SMAD1: variants seen among roughly 807,000 people sequenced by gnomAD.
The protein encoded by SMAD1 is MAD, mothers against decapentaplegic homolog 1.
Under a neutral mutation model 41.6 loss-of-function variants are expected in SMAD1, and 6 were observed. That is an observed-to-expected ratio of 0.14 (90% CI 0.08 to 0.28). The LOEUF is 0.28. SMAD1 is among the 10% of genes least tolerant of loss of function. The probability of loss-of-function intolerance (pLI) is 1.00; values close to 1 mark genes in which losing one functional copy is unlikely to be tolerated. For missense variants in SMAD1, 379 were observed against 582.6 expected (o/e 0.65, Z 3.60); for synonymous variants, 206 against 203.2 (o/e 1.01, Z -0.12).
At chr4:145,551,346 GA>G (rs1415974409) in intron 5 of SMAD1, among the ~76,000 whole-genome samples, 1 of 152,144 alleles carries the variant, frequency 6.6e-6, no homozygotes, top group East Asian at 1.9e-4. Context: ...TTAATGAGTT[GA>G]ATGTTTTTCA....
At chr4:145,509,596 A>C (rs1450726862) in intron 1 of SMAD1, among the ~76,000 whole-genome samples, 1 of 152,198 alleles carries the variant, frequency 6.6e-6, no homozygotes, top group Non-Finnish European at 1.5e-5. Context: ...GTTTTTGAAG[A>C]AGAGATGGAC....
intron 2 of SMAD1, among the ~76,000 whole-genome samples, chr4:145,535,439 GAT>G (rs1731557703): frequency 6.6e-6 from 1 of 152,162 alleles, no homozygotes; most frequent in Non-Finnish European, 1.5e-5. Flanking sequence ...TGAATGGCCA[GAT>G]ATGGGAGATT....
chr4:145,530,118 G>A (rs992863434), intron 2 of SMAD1, among the ~76,000 whole-genome samples: 2 of 152,188 alleles, frequency 1.3e-5, no homozygotes, highest in African/African-American at 4.8e-5. Context: ...AAGAAAATCA[G>A]TTCTACCCAC....
rs1312921895 is a variant in SMAD1 at position 145,546,875 on chromosome 4, T to C, written c.948T>C (p.Asn316=). 8 of 1,614,056 alleles carry C rather than the reference T, an allele frequency of 5.0e-6. No individual in the cohort carries two copies. Among genetic ancestry groups the C allele is most frequent in the Non-Finnish European group, 6.8e-6 (8 of 1,180,024 alleles). Residue 316 remains asparagine (N), a synonymous_variant, in exon 5 of 7, where the codon AAT becomes AAC. Transcript: ENST00000302085. ...KNRFCLGLLS[N]VNRNSTIENT... ...GTTTCTGCCTTGGGCTGCTCTCCAA[T>C]GTTAACCGGAATTCCACTATTGAAA...
In SMAD1 at chr4:145,482,994, G is replaced by A. The variant is rs896040521; in HGVS notation, c.-177+956G>A. The A allele has an allele frequency of 6.6e-6, 1 of 152,154 alleles. No individual in the cohort carries two copies. Among genetic ancestry groups the A allele is most frequent in the African/African-American group, 2.4e-5 (1 of 41,414 alleles). The allele number at this position is 152,154 out of a possible 1,614,324, so 9.4% of individuals were successfully genotyped here. Reference sequence around the variant, plus strand: ...TTTAAAGGGAGAACGTTTTCTTGATGTGCTTTAGGAGGGGAGGAGGAACAA... The same window carrying A: ...TTTAAAGGGAGAACGTTTTCTTGATATGCTTTAGGAGGGGAGGAGGAACAA... On this transcript the variant is annotated intron_variant, in intron 1 of 6. Coordinates refer to ENST00000302085, the MANE Select transcript of SMAD1 (RefSeq NM_005900.3). The surrounding 1 kb of genome is among the most constrained non-coding windows in gnomAD (Gnocchi z 4.2).
Position 145,514,871 on chromosome 4 carries a change from C to G in SMAD1, c.258C>G (p.Val86=), listed in dbSNP as rs1730286905. Residue 86 remains valine (V), a synonymous_variant, in exon 2 of 7, where the codon GTC becomes GTG. Coordinates refer to ENST00000302085, the MANE Select transcript of SMAD1 (RefSeq NM_005900.3). The surrounding 1 kb of genome is among the most constrained non-coding windows in gnomAD (Gnocchi z 4.7). The part of the protein sequence containing the change: ...QVSHRKGLPH[V]IYCRVWRWPD... ...CCCACCGGAAGGGACTGCCTCATGT[C>G]ATTTACTGCCGTGTGTGGCGCTGGC... The G allele has an allele frequency of 6.2e-7, 1 of 1,613,966 alleles. No homozygotes were observed. The highest frequency in any genetic ancestry group is 1.1e-5 in the South Asian group (1 of 91,068).
chr4:145,522,207 G>A (rs924158787), intron 2 of SMAD1, among the ~76,000 whole-genome samples: 1 of 152,184 alleles, frequency 6.6e-6, no homozygotes, highest in Admixed American at 6.5e-5. Context: ...GGCTGAGGCA[G>A]GAGAACGGGT....
At chr4:145,481,124 T>C (rs1728155028), upstream of SMAD1, 1 of 152,162 alleles carries the variant, frequency 6.6e-6, no homozygotes, top group Admixed American at 6.5e-5. Flanking sequence ...GGAGTTGGCA[T>C]CATCTAAAAG....
upstream of SMAD1, chr4:145,481,134 G>C (rs1031279453): frequency 6.6e-6 from 1 of 152,114 alleles, no homozygotes; most frequent in African/African-American, 2.4e-5. Flanking sequence ...TCATCTAAAA[G>C]ACTGTAGAAA....
intron 2 of SMAD1, among the ~76,000 whole-genome samples, chr4:145,528,662 C>G (rs1206006260): frequency 6.6e-6 from 1 of 152,144 alleles, no homozygotes; most frequent in African/African-American, 2.4e-5. Context: ...ATTAAAGATG[C>G]CTGGGTGACA....
chr4:145,546,789 C>T lies in SMAD1; in HGVS notation c.862C>T (p.His288Tyr). The T allele has an allele frequency of 6.2e-7, 1 of 1,614,064 alleles. No individual in the cohort carries two copies. Among genetic ancestry groups the T allele is most frequent in the Non-Finnish European group, 8.5e-7 (1 of 1,179,934 alleles). ...ELNNRVGEAF[H>Y]ASSTSVLVDG... ...CAACAATCGTGTGGGTGAAGCGTTC[C>T]ATGCCTCCTCCACAAGTGTGTTGGT... The change falls in exon 5 of 7, where the codon CAT becomes TAT. Residue 288 changes from histidine to tyrosine, a missense_variant. Around this residue, in one of 3 missense-constraint regions of SMAD1, gnomAD observed 208 missense variants for 210.5 expected, o/e 0.99. Coordinates refer to ENST00000302085, the MANE Select transcript of SMAD1 (RefSeq NM_005900.3).
chr4:145,510,524 T>G (rs1188523275), intron 1 of SMAD1, among the ~76,000 whole-genome samples: 1 of 152,192 alleles, frequency 6.6e-6, no homozygotes, highest in African/African-American at 2.4e-5. Flanking sequence ...TTTTAAAGTT[T>G]GGTTCTTTTC....
intron 2 of SMAD1, among the ~76,000 whole-genome samples, chr4:145,534,796 T>C (rs1476830884): frequency 6.6e-6 from 1 of 152,158 alleles, no homozygotes; most frequent in Admixed American, 6.5e-5. Context: ...ATTATGAAAC[T>C]TTATATGCAC....
intron 1 of SMAD1, among the ~76,000 whole-genome samples, chr4:145,511,620 C>G (rs913211775): frequency 3.3e-5 from 5 of 152,112 alleles, no homozygotes; most frequent in African/African-American, 1.2e-4. Flanking sequence ...AACTTATTCT[C>G]TCAGTTGTTG....
At chr4:145,504,891 T>G (rs764456530) in intron 1 of SMAD1, among the ~76,000 whole-genome samples, 1 of 152,250 alleles carries the variant, frequency 6.6e-6, no homozygotes, top group African/African-American at 2.4e-5. Context: ...CAAGCAATGA[T>G]GGATTGCTCT....
chr4:145,548,900 T>C (rs1225837395), intron 5 of SMAD1, among the ~76,000 whole-genome samples: 1 of 152,176 alleles, frequency 6.6e-6, no homozygotes, highest in African/African-American at 2.4e-5. Context: ...ATCAAAATTA[T>C]CATCACCAAT....
chr4:145,542,646 G>A lies in SMAD1; in HGVS notation c.723G>A (p.Pro241=), dbSNP rs747747846. The change falls in exon 4 of 7, where the codon CCG becomes CCA. Residue 241 remains proline, a synonymous_variant. Transcript: ENST00000302085. ...CCATGACCCAGGATGGCTCTCAGCCGATGGACACAAACATGATGGCGCCTC... is the reference window on the plus strand; with the variant it reads ...CCATGACCCAGGATGGCTCTCAGCCAATGGACACAAACATGATGGCGCCTC... ...EDPMTQDGSQ[P]MDTNMMAPPL... 1.2e-5 allele frequency: 20 copies of A among 1,613,480 alleles called. No individual in the cohort carries two copies. In the East Asian group the frequency reaches 1.6e-4, roughly 13 times the overall value.
At chr4:145,530,652 TTGAG>T (rs1389251408) in intron 2 of SMAD1, among the ~76,000 whole-genome samples, 2 of 151,996 alleles carry the variant, frequency 1.3e-5, no homozygotes, top group Non-Finnish European at 2.9e-5. Context: ...ATATTTGTAC[TTGAG>T]TAACTATACT....
chr4:145,539,931 C>A lies in SMAD1; in HGVS notation c.528C>A (p.Phe176Leu). 1 of 1,614,046 alleles carries A rather than the reference C, an allele frequency of 6.2e-7. No individual in the cohort carries two copies. The highest frequency in any genetic ancestry group is 8.5e-7 in the Non-Finnish European group (1 of 1,179,994). Residue 176 changes from phenylalanine to leucine, a missense_variant, in exon 3 of 7, where the codon TTC becomes TTA. Around this residue, in one of 3 missense-constraint regions of SMAD1, gnomAD observed 208 missense variants for 210.5 expected, o/e 0.99. Coordinates refer to ENST00000302085, the MANE Select transcript of SMAD1 (RefSeq NM_005900.3). ...MPLNATFPDSFQQPNSHPFPH... is the reference protein window; with the variant it reads ...MPLNATFPDSLQQPNSHPFPH... ...TCAACGCCACTTTTCCAGATTCTTT[C>A]CAGCAACCCAACAGCCACCCGTTTC...
Sources: gnomAD v4.1 joint callset for allele counts (sites outside exome capture counted in the v4.1 genomes callset) on GRCh38, gnomAD v4.1.1 for gene constraint, gnomAD v4.1.1 regional missense constraint, Gnocchi (gnomAD v3.1) non-coding constraint, MANE v1.5 for transcripts, NCBI Gene and HGNC (gene_info 2026-07-23, HGNC 2026-07-21) for gene names.